The following HERC4 variants were observed in gnomAD, a reference collection of about 807,000 sequenced individuals.
The protein encoded by HERC4 is HECT and RLD domain containing E3 ubiquitin protein ligase 4, also known as probable E3 ubiquitin-protein ligase HERC4.
Under a neutral mutation model 124.3 loss-of-function variants are expected in HERC4, and 28 were observed. The observed-to-expected ratio is 0.23, with a 90% CI of 0.17 to 0.31. The LOEUF (loss-of-function observed/expected upper bound fraction) is 0.31, where lower values mean the gene tolerates loss of function less well. Among genes scored for constraint, HERC4 ranks in the 10% least tolerant of loss-of-function variants. The pLI, the probability that HERC4 is intolerant of heterozygous loss-of-function variation, is 1.00. For synonymous variants in HERC4, 407 were observed against 421.5 expected (o/e 0.97, Z 0.42); for missense variants, 713 against 1,229.3 (o/e 0.58, Z 6.28).
intron 23 of HERC4, among the ~76,000 whole-genome samples, chr10:67,926,358 T>C (rs1019766298): frequency 2.0e-5 from 3 of 150,516 alleles, no homozygotes; most frequent in Non-Finnish European, 4.4e-5. Flanking sequence ...GACTGTGCCA[T>C]TGCACTCCAG....
intron 19 of HERC4, among the ~76,000 whole-genome samples, chr10:67,951,856 C>T (rs2033814992): frequency 6.6e-6 from 1 of 152,110 alleles, no homozygotes; most frequent in African/African-American, 2.4e-5. Flanking sequence ...TTGGCACTAT[C>T]TTATGCTTTC....
At chr10:67,957,364 T>A (rs2034206773) in intron 16 of HERC4, among the ~76,000 whole-genome samples, 1 of 152,232 alleles carries the variant, frequency 6.6e-6, no homozygotes, top group South Asian at 2.1e-4. Flanking sequence ...TGATAAGTAA[T>A]CTGTCTATTC....
At chr10:68,053,901 G>A (rs763179571) in intron 3 of HERC4, among the ~76,000 whole-genome samples, 2 of 152,116 alleles carry the variant, frequency 1.3e-5, no homozygotes, top group Non-Finnish European at 2.9e-5. Flanking sequence ...TATGAAGAGC[G>A]ACAAGTATAT....
At position 68,072,891 on chromosome 10, in the gene HERC4, T is replaced by C; in HGVS notation, c.218A>G (p.Lys73Arg). Residue 73 changes from lysine to arginine, a missense_variant, in exon 3 of 25, where the codon AAG becomes AGG. Lys to Arg is a conservative substitution (Grantham distance 26, BLOSUM62 2). Coordinates refer to ENST00000373700, the MANE Select transcript of HERC4 (RefSeq NM_015601.4). Reference protein sequence around the residue: ...LGQLGHEKSRKKPEQVVALDA... With the variant: ...LGQLGHEKSRRKPEQVVALDA... ...AAAACATTTCAACTTACCTGGTTTC[T>C]TTCTGGATTTTTCATGACCTAGCTG... The C allele has an allele frequency of 6.4e-7, 1 of 1,552,348 alleles. No homozygotes were observed. The highest frequency in any genetic ancestry group is 8.7e-7 in the Non-Finnish European group (1 of 1,151,838).
At chr10:67,972,158 G>A (rs189563720) in intron 15 of HERC4, among the ~76,000 whole-genome samples, 1 of 150,500 alleles carries the variant, frequency 6.6e-6, no homozygotes, top group East Asian at 2.0e-4. Context: ...AGGTTGCAGT[G>A]GGCCAAGGTC....
At chr10:68,069,829 T>G in intron 3 of HERC4, 13 of 691,840 alleles carry the variant, frequency 1.9e-5, no homozygotes, top group Non-Finnish European at 2.3e-5. Flanking sequence ...GATCACAAGG[T>G]CAGGATATCA....
chr10:67,935,730 T>C (rs2032300016), intron 22 of HERC4, among the ~76,000 whole-genome samples: 1 of 152,196 alleles, frequency 6.6e-6, no homozygotes, highest in Non-Finnish European at 1.5e-5. Flanking sequence ...TTAAATCCAA[T>C]GTTAGCATGG....
At chr10:68,033,938 C>G (rs1278682295) in intron 6 of HERC4, 27 bp downstream of exon 6, 2 of 1,584,854 alleles carry the variant, frequency 1.3e-6, no homozygotes, top group Non-Finnish European at 1.7e-6. Flanking sequence ...AAAAAGTACA[C>G]TTAAACTATA....
chr10:68,009,184 G>A lies in HERC4; in HGVS notation c.1069+4842C>T, dbSNP rs182257730. On this transcript the variant is annotated intron_variant, in intron 9 of 24. Coordinates refer to ENST00000373700, the MANE Select transcript of HERC4 (RefSeq NM_015601.4). ...GGTTGCAGTAAACCGAGATTGCACC[G>A]CTGCACTTCCAGCGTGGGTGACAGA... is the stretch of plus-strand genomic sequence containing the variant. Among the ~76,000 whole-genome samples, 130 of 151,732 alleles carry A rather than the reference G, an allele frequency of 8.6e-4. 1 individual carries two copies. Among genetic ancestry groups the A allele is most frequent in the African/African-American group, 2.9e-3 (120 of 41,362 alleles).
chr10:67,991,386 G>T (rs1433288678), intron 11 of HERC4, among the ~76,000 whole-genome samples, 187 bp from the exon 12 acceptor site: 1 of 151,732 alleles, frequency 6.6e-6, no homozygotes, highest in Non-Finnish European at 1.5e-5. Context: ...ACTTGATGAA[G>T]GTATTACTGT....
chr10:67,974,117 C>CAT (rs1564493022), intron 15 of HERC4, among the ~76,000 whole-genome samples: 5 of 90,954 alleles, frequency 5.5e-5, no homozygotes, highest in African/African-American at 1.4e-4. Context: ...CACACACACA[C>CAT]ACATACACAC....
intron 19 of HERC4, among the ~76,000 whole-genome samples, chr10:67,945,501 T>C (rs1183443950): frequency 2.0e-5 from 3 of 152,300 alleles, no homozygotes; most frequent in Non-Finnish European, 1.5e-5. Context: ...AGCAATATCA[T>C]GTGAAGGAGC....
chr10:67,927,528 C>T (rs1027522395), intron 23 of HERC4, among the ~76,000 whole-genome samples: 2 of 149,902 alleles, frequency 1.3e-5, no homozygotes, highest in African/African-American at 2.5e-5. Context: ...CAGGTTCAAG[C>T]GATTCTCCTG....
Position 67,975,190 on chromosome 10 carries a change from T to TA in HERC4, c.1807-8389dup, listed in dbSNP as rs879324370. On this transcript the variant is annotated intron_variant, in intron 15 of 24. Coordinates refer to ENST00000373700, the MANE Select transcript of HERC4 (RefSeq NM_015601.4). ...GGTGACAAGAGCCAAACTCTGTCTT[T>TA]AAAAAAAAAAAAATTCACTCAAATT... 1.5e-3 allele frequency among the ~76,000 whole-genome samples: 222 copies of TA among 145,012 alleles called. 2 individuals are homozygous for TA. The highest frequency in any genetic ancestry group is 9.4e-3 in the South Asian group (43 of 4,552).
intron 3 of HERC4, among the ~76,000 whole-genome samples, chr10:68,047,922 T>G (rs1438567729): frequency 6.7e-6 from 1 of 150,226 alleles, no homozygotes; most frequent in Non-Finnish European, 1.5e-5. Flanking sequence ...ATGAATGTTT[T>G]GTTTTTGTTT....
chr10:68,072,672 G>A (rs2041630485), intron 3 of HERC4, among the ~76,000 whole-genome samples: 1 of 151,490 alleles, frequency 6.6e-6, no homozygotes, highest in Non-Finnish European at 1.5e-5. Flanking sequence ...ACAAAATAAG[G>A]TTTTATAATA....
At chr10:67,982,288 C>T (rs2035979166) in intron 15 of HERC4, among the ~76,000 whole-genome samples, 1 of 151,988 alleles carries the variant, frequency 6.6e-6, no homozygotes, top group Non-Finnish European at 1.5e-5. Flanking sequence ...TGGAACAGAA[C>T]AAATTTGTTT....
intron 15 of HERC4, among the ~76,000 whole-genome samples, chr10:67,977,416 T>G (rs1044511990): frequency 6.6e-6 from 1 of 152,168 alleles, no homozygotes; most frequent in Non-Finnish European, 1.5e-5. Context: ...GCAATATCCA[T>G]GTACTAGGTA....
intron 3 of HERC4, among the ~76,000 whole-genome samples, chr10:68,071,090 A>G (rs2041552149): frequency 6.6e-6 from 1 of 151,522 alleles, no homozygotes; most frequent in South Asian, 2.1e-4. Flanking sequence ...CTGTGGTGTA[A>G]TCGGGACAAC....
Sources: gnomAD v4.1 joint callset for allele counts (sites outside exome capture counted in the v4.1 genomes callset) on GRCh38, gnomAD v4.1.1 for gene constraint, MANE v1.5 for transcripts, NCBI Gene and HGNC (gene_info 2026-07-23, HGNC 2026-07-21) for gene names.